Variants in GASK1B observed in about 807,000 individuals in gnomAD.
GASK1B encodes the protein golgi associated kinase 1B.
In GASK1B, 34 loss-of-function variants were observed where a neutral mutation model predicts 42.8. The ratio of observed to expected loss-of-function variants is 0.79; its 90% CI spans 0.60 to 1.06. The LOEUF (loss-of-function observed/expected upper bound fraction) is 1.06, where lower values mean the gene tolerates loss of function less well. GASK1B is among the 50% of genes least tolerant of loss of function. GASK1B has a pLI of 0.00. For synonymous variants in GASK1B, 262 were observed against 259.1 expected (o/e 1.01, Z -0.11); for missense variants, 686 against 661.0 (o/e 1.04, Z -0.42).
intron 2 of GASK1B, among the ~76,000 whole-genome samples, chr4:158,161,274 A>T (rs1170526677): frequency 1.3e-5 from 2 of 152,180 alleles, no homozygotes; most frequent in East Asian, 3.8e-4. Flanking sequence ...ATAAACATAT[A>T]CAAATATTAT....
At chr4:158,143,868 T>A (rs2110962170) in intron 3 of GASK1B, among the ~76,000 whole-genome samples, 1 of 152,258 alleles carries the variant, frequency 6.6e-6, no homozygotes, top group South Asian at 2.1e-4. Context: ...TCTCCTGAAA[T>A]GTGATTATGT....
chr4:158,158,379 T>G (rs1331055311), intron 2 of GASK1B, among the ~76,000 whole-genome samples: 1 of 152,108 alleles, frequency 6.6e-6, no homozygotes, highest in East Asian at 1.9e-4. Context: ...CTAAGCACTG[T>G]TCTAGAACCT....
chr4:158,148,262 A>AG (rs1731410671), intron 3 of GASK1B, among the ~76,000 whole-genome samples: 1 of 152,154 alleles, frequency 6.6e-6, no homozygotes, highest in African/African-American at 2.4e-5. Context: ...ATCACTCAAA[A>AG]TGAAAAACTG....
At chr4:158,136,849 A>G (rs2057365574) in intron 3 of GASK1B, among the ~76,000 whole-genome samples, 1 of 152,202 alleles carries the variant, frequency 6.6e-6, no homozygotes, top group South Asian at 2.1e-4. Flanking sequence ...GATTGGTGGA[A>G]TTTAACATTC....
Position 158,126,095 on chromosome 4 carries a change from C to G in GASK1B, c.*1312G>C, listed in dbSNP as rs745333056. On this transcript the variant is annotated 3_prime_UTR_variant, in exon 5 of 5. Coordinates refer to ENST00000585682, the MANE Select transcript of GASK1B (RefSeq NM_001128424.2). Reference sequence around the variant, plus strand: ...TAAACTTTCAGGAAATGAAAAGTCACAAATAGAACTTTTAAATAAGGAGTA... The same window carrying G: ...TAAACTTTCAGGAAATGAAAAGTCAGAAATAGAACTTTTAAATAAGGAGTA... The G allele has an allele frequency of 9.2e-5, 14 of 152,078 alleles. No homozygotes were observed. The highest frequency in any genetic ancestry group is 1.9e-4 in the Non-Finnish European group (13 of 67,962). 9.4% of individuals were successfully genotyped at this position (152,078 alleles called of 1,614,324 possible).
chr4:158,142,649 T>C (rs1411396305), intron 3 of GASK1B, among the ~76,000 whole-genome samples: 1 of 152,218 alleles, frequency 6.6e-6, no homozygotes, highest in Non-Finnish European at 1.5e-5. Flanking sequence ...AATGTGAACA[T>C]CAATAGCTGC....
chr4:158,134,185 T>G (rs921113011), intron 3 of GASK1B, among the ~76,000 whole-genome samples: 15 of 152,218 alleles, frequency 9.9e-5, no homozygotes, highest in Non-Finnish European at 2.1e-4. Context: ...ACCCTTAAAT[T>G]CAGTGCCATT....
chr4:158,151,781 C>T (rs1471456699), intron 3 of GASK1B, among the ~76,000 whole-genome samples: 1 of 152,098 alleles, frequency 6.6e-6, no homozygotes, highest in African/African-American at 2.4e-5. Context: ...CAATAACAAG[C>T]AGTAGTATTC....
chr4:158,143,518 C>T (rs893423492), intron 3 of GASK1B, among the ~76,000 whole-genome samples: 7 of 151,744 alleles, frequency 4.6e-5, no homozygotes. Flanking sequence ...TTACAGCATC[C>T]CGATCTACAT....
Position 158,131,043 on chromosome 4 carries a change from C to T in GASK1B, c.1126-31G>A, listed in dbSNP as rs367916488. ...AATGGAAAACACAAAATCCAAGATG[C>T]TGAGTGAAAACAAAACTTGGGAAAG... On this transcript the variant is annotated intron_variant, in intron 3 of 4. Transcript: ENST00000585682. 9.2e-5 allele frequency: 145 copies of T among 1,575,212 alleles called. 1 individual carries two copies. Among genetic ancestry groups the T allele is most frequent in the South Asian group, 1.9e-4 (17 of 88,346 alleles).
intron 3 of GASK1B, among the ~76,000 whole-genome samples, chr4:158,142,030 C>T (rs1169985198): frequency 7.0e-5 from 10 of 142,876 alleles, no homozygotes; most frequent in Non-Finnish European, 1.4e-4. Context: ...CTGCAAGCTC[C>T]GCTTCCTGGG....
At chr4:158,134,323 T>C (rs1730799304) in intron 3 of GASK1B, among the ~76,000 whole-genome samples, 1 of 152,238 alleles carries the variant, frequency 6.6e-6, no homozygotes, top group South Asian at 2.1e-4. Flanking sequence ...GGTTTTAATA[T>C]ACTTGTTTAG....
rs1395351881 is a variant in GASK1B, at chr4:158,149,446, G to A, written c.1125+6165C>T. Among the ~76,000 whole-genome samples the A allele has an allele frequency of 2.0e-5, 3 of 152,122 alleles. No homozygotes were observed. The East Asian group carries it at 5.8e-4, about 29-fold the overall frequency. ...AGGGTAGAATGAGATTTAGTTGACA[G>A]GTTCAGAATTAAAATACATGTCACT... On this transcript the variant is annotated intron_variant, in intron 3 of 4. Transcript: ENST00000585682.
chr4:158,134,263 T>C (rs762649849), intron 3 of GASK1B, among the ~76,000 whole-genome samples: 1 of 152,236 alleles, frequency 6.6e-6, no homozygotes, highest in Non-Finnish European at 1.5e-5. Flanking sequence ...GCTTATCTAA[T>C]TTTTAAAGCC....
At chr4:158,145,168 T>C (rs1560782751) in intron 3 of GASK1B, among the ~76,000 whole-genome samples, 1 of 152,186 alleles carries the variant, frequency 6.6e-6, no homozygotes, top group African/African-American at 2.4e-5. Context: ...GTTTCAACAA[T>C]GATTGGTTGG....
chr4:158,149,486 T>G (rs1331542253), intron 3 of GASK1B, among the ~76,000 whole-genome samples: 1 of 152,206 alleles, frequency 6.6e-6, no homozygotes, highest in Admixed American at 6.5e-5. Context: ...AACATAAGGG[T>G]TTGCTCTCTA....
chr4:158,154,008 T>C (rs149571061), intron 3 of GASK1B, among the ~76,000 whole-genome samples: 1,714 of 151,482 alleles, frequency 0.011, 106 homozygotes, highest in Admixed American at 0.1. Flanking sequence ...AAAAGATAAA[T>C]AGATAGAACT....
In GASK1B at chr4:158,170,602, G is replaced by C. The variant is rs141589424; in HGVS notation, c.774C>G (p.Leu258=). 6.2e-7 allele frequency: 1 copy of C among 1,613,892 alleles called. No individual in the cohort carries two copies. Among genetic ancestry groups the C allele is most frequent in the African/African-American group, 1.3e-5 (1 of 75,070 alleles). ...VLEGGAPGAV[L]RCGPSPCGLL... ...GCCCACAGGGGCTAGGGCCACAGCG[G>C]AGCACAGCGCCAGGTGCGCCCCCCT... Residue 258 remains leucine (L), a synonymous_variant, in exon 2 of 5, where the codon CTC becomes CTG. Coordinates refer to ENST00000585682, the MANE Select transcript of GASK1B (RefSeq NM_001128424.2).
At chr4:158,133,756 C>G (rs537574800) in intron 3 of GASK1B, among the ~76,000 whole-genome samples, 1 of 152,318 alleles carries the variant, frequency 6.6e-6, no homozygotes, top group Non-Finnish European at 1.5e-5. Context: ...GATTTCACCA[C>G]CTCCCTGACA....
Sources: gnomAD v4.1 joint callset for allele counts (sites outside exome capture counted in the v4.1 genomes callset) on GRCh38, gnomAD v4.1.1 for gene constraint, MANE v1.5 for transcripts, NCBI Gene and HGNC (gene_info 2026-07-23, HGNC 2026-07-21) for gene names.